ARHGEF12: variants seen among roughly 807,000 people sequenced by gnomAD.
The protein encoded by ARHGEF12 is Rho guanine nucleotide exchange factor 12, also known as KMT2A/ARHGEF12 fusion protein.
Under a neutral mutation model 211.2 loss-of-function variants are expected in ARHGEF12, and 66 were observed. That is an observed-to-expected ratio of 0.31 (90% confidence interval 0.26 to 0.38). ARHGEF12 has a LOEUF of 0.38. ARHGEF12 is among the 10% of genes least tolerant of loss of function. The pLI is 1.00. For missense variants in ARHGEF12, 1,429 were observed against 1,869.5 expected (o/e 0.76, Z 4.34); for synonymous variants, 592 against 638.4 (o/e 0.93, Z 1.09).
At chr11:120,452,362 G>A (rs930388964) in intron 22 of ARHGEF12, among the ~76,000 whole-genome samples, 7 of 152,146 alleles carry the variant, frequency 4.6e-5, no homozygotes, top group Non-Finnish European at 1.0e-4. Context: ...TGAAGCAATC[G>A]TAGGTAATTG....
At chr11:120,356,150 G>A (rs1354303721) in intron 1 of ARHGEF12, among the ~76,000 whole-genome samples, 1 of 152,170 alleles carries the variant, frequency 6.6e-6, no homozygotes, top group Non-Finnish European at 1.5e-5. Flanking sequence ...TATTTGATAG[G>A]ATTCTACTTT....
chr11:120,364,014 A>C (rs902286588), intron 1 of ARHGEF12, among the ~76,000 whole-genome samples: 1 of 152,210 alleles, frequency 6.6e-6, no homozygotes, highest in African/African-American at 2.4e-5. Context: ...CACAATCACC[A>C]TGTACTGCAG....
At chr11:120,360,194 T>C (rs938535769) in intron 1 of ARHGEF12, among the ~76,000 whole-genome samples, 2 of 152,078 alleles carry the variant, frequency 1.3e-5, no homozygotes, top group South Asian at 4.1e-4. Flanking sequence ...TGAAGTTTTG[T>C]GATGAGGGAA....
At position 120,361,864 on chromosome 11, in the gene ARHGEF12, G is replaced by T. The variant is rs59227412; in HGVS notation, c.32+24589G>T. 1.9e-3 allele frequency among the ~76,000 whole-genome samples: 291 copies of T among 152,336 alleles called. 2 individuals are homozygous for T. Among genetic ancestry groups the T allele is most frequent in the African/African-American group, 6.6e-3 (276 of 41,572 alleles). ...CAGAGCCTGTCTCAGGCATGCACATGATCTCACAAACTGAAGATTTCTTCC... is the reference window on the plus strand; with the variant it reads ...CAGAGCCTGTCTCAGGCATGCACATTATCTCACAAACTGAAGATTTCTTCC... On this transcript the variant is annotated intron_variant, in intron 1 of 40. Transcript: ENST00000397843.
chr11:120,353,016 T>C (rs550593214), intron 1 of ARHGEF12, among the ~76,000 whole-genome samples: 1 of 152,354 alleles, frequency 6.6e-6, no homozygotes, highest in African/African-American at 2.4e-5. Flanking sequence ...GTGGACAGAA[T>C]CTAAGAGTCC....
At chr11:120,342,739 A>T (rs1942573377) in intron 1 of ARHGEF12, among the ~76,000 whole-genome samples, 1 of 152,218 alleles carries the variant, frequency 6.6e-6, no homozygotes. Context: ...AAATCAACTA[A>T]TTAAGCAATT....
chr11:120,398,507 A>G (rs1317980468), intron 1 of ARHGEF12, among the ~76,000 whole-genome samples: 1 of 152,204 alleles, frequency 6.6e-6, no homozygotes, highest in East Asian at 1.9e-4. Flanking sequence ...TCATAAAATC[A>G]GAGGTCCTTT....
At chr11:120,385,614 A>G (rs1269329734) in intron 1 of ARHGEF12, 9 of 440,736 alleles carry the variant, frequency 2.0e-5, no homozygotes, top group South Asian at 9.5e-5. Flanking sequence ...ATATTTTTAC[A>G]TTGTTCATTA....
intron 1 of ARHGEF12, among the ~76,000 whole-genome samples, chr11:120,376,673 A>T (rs1252912216): frequency 6.6e-6 from 1 of 152,132 alleles, no homozygotes; most frequent in East Asian, 1.9e-4. Context: ...ATACTCTTCT[A>T]GTTATTTTTA....
rs763429847 is a variant in ARHGEF12, at chr11:120,480,323, G to A, written c.4130G>A (p.Ser1377Asn). 4 of 1,614,094 alleles carry A rather than the reference G, an allele frequency of 2.5e-6. No individual in the cohort carries two copies. The highest frequency in any genetic ancestry group is 3.3e-5 in the Admixed American group (2 of 60,014). ...TMEPEGGLDD[S>N]GEHFFDAREA... ...GAGCCAGAAGGGGGTCTTGATGACAGTGGAGAGCACTTTTTTGATGCCCGT... is the reference window on the plus strand; with the variant it reads ...GAGCCAGAAGGGGGTCTTGATGACAATGGAGAGCACTTTTTTGATGCCCGT... Residue 1377 changes from serine to asparagine, a missense_variant, in exon 38 of 41, where the codon AGT becomes AAT. By Grantham distance (46) the Ser-to-Asn change is conservative. This residue lies in a region of ARHGEF12 where 467 missense variants were observed against 468.4 expected (regional missense o/e 1.00). Transcript: ENST00000397843.
chr11:120,442,321 T>C lies in ARHGEF12; in HGVS notation c.1302+119T>C, dbSNP rs1945893425. 7 of 641,788 alleles carry C rather than the reference T, an allele frequency of 1.1e-5. No homozygotes were observed. The East Asian group carries it at 1.6e-4, about 14-fold the overall frequency. The allele number at this position is 641,788 out of a possible 1,614,324, so 39.8% of individuals were successfully genotyped here. ...ACTGTGCTTTCTCACACCTGTATTATATTTCAATTATTGATTACTCTAGAC... is the reference window on the plus strand; with the variant it reads ...ACTGTGCTTTCTCACACCTGTATTACATTTCAATTATTGATTACTCTAGAC... On this transcript the variant is annotated intron_variant, in intron 15 of 40. Transcript: ENST00000397843.
At chr11:120,407,624 T>G in intron 2 of ARHGEF12, 114 bp from the exon 3 acceptor site, 1 of 732,442 alleles carries the variant, frequency 1.4e-6, no homozygotes, top group Non-Finnish European at 2.3e-6. Context: ...TATGGTGCTG[T>G]GTAAAGTAAA....
chr11:120,338,112 G>A (rs1425295023), intron 1 of ARHGEF12, among the ~76,000 whole-genome samples: 1 of 152,070 alleles, frequency 6.6e-6, no homozygotes, highest in African/African-American at 2.4e-5. Flanking sequence ...ATAGGGTAAG[G>A]GATAAAAAGC....
intron 1 of ARHGEF12, among the ~76,000 whole-genome samples, chr11:120,357,390 A>G (rs1943159536): frequency 6.6e-6 from 1 of 152,182 alleles, no homozygotes; most frequent in Non-Finnish European, 1.5e-5. Context: ...TTCGAGTCTA[A>G]TAGAGGAAGA....
rs901604402 is a variant in ARHGEF12, at chr11:120,460,582, A to T, written c.2528-90A>T. On this transcript the variant is annotated intron_variant, in intron 26 of 40. Coordinates refer to ENST00000397843, the MANE Select transcript of ARHGEF12 (RefSeq NM_015313.3). ...CTGTACTACTGTGAAAATCGTCTTT[A>T]TAAAAAAAAAAAATTAGCTACTCTG... 4 of 1,043,242 alleles carry T rather than the reference A, an allele frequency of 3.8e-6. No homozygotes were observed. In the African/African-American group the frequency reaches 6.7e-5, roughly 18 times the overall value. 64.6% of individuals were successfully genotyped at this position (1,043,242 alleles called of 1,614,324 possible).
intron 1 of ARHGEF12, among the ~76,000 whole-genome samples, chr11:120,355,709 TAAAAATA>T (rs1943112796): frequency 1.3e-5 from 2 of 152,178 alleles, no homozygotes; most frequent in Non-Finnish European, 2.9e-5. Flanking sequence ...TCTGTCTCTT[TAAAAATA>T]AAAAATAAAA....
intron 1 of ARHGEF12, among the ~76,000 whole-genome samples, chr11:120,395,179 A>T: frequency 6.6e-6 from 1 of 151,906 alleles, no homozygotes; most frequent in East Asian, 1.9e-4. Flanking sequence ...TATATACAAT[A>T]TGTAAATATA....
Position 120,421,835 on chromosome 11 carries a change from G to A in ARHGEF12, c.331G>A (p.Gly111Ser). The A allele has an allele frequency of 6.2e-7, 1 of 1,611,160 alleles. No homozygotes were observed. Among genetic ancestry groups the A allele is most frequent in the Non-Finnish European group, 8.5e-7 (1 of 1,178,756 alleles). The change falls in exon 6 of 41, where the codon GGT becomes AGT. Residue 111 changes from glycine to serine, a missense_variant. By Grantham distance (56) the Gly-to-Ser change is moderately conservative. Around this residue, in one of 7 missense-constraint regions of ARHGEF12, gnomAD observed 60 missense variants for 121.0 expected, o/e 0.50. Coordinates refer to ENST00000397843, the MANE Select transcript of ARHGEF12 (RefSeq NM_015313.3). ...GAAMRAGVQT[G>S]DRIIKVNGTL... The stretch of plus-strand genomic sequence containing the variant: ...AGCCATGCGGGCTGGAGTACAGACA[G>A]GTGATCGAATCATCAAGGTAAGGAA...
At chr11:120,468,306 ATAT>A (rs1177325898) in intron 29 of ARHGEF12, among the ~76,000 whole-genome samples, 1 of 152,232 alleles carries the variant, frequency 6.6e-6, no homozygotes, top group African/African-American at 2.4e-5. Flanking sequence ...ACACTCATAC[ATAT>A]TAATTTTTAC....
Sources: gnomAD v4.1 joint callset for allele counts (sites outside exome capture counted in the v4.1 genomes callset) on GRCh38, gnomAD v4.1.1 for gene constraint, gnomAD v4.1.1 regional missense constraint, MANE v1.5 for transcripts, NCBI Gene and HGNC (gene_info 2026-07-23, HGNC 2026-07-21) for gene names.